The following TTC7B variants were observed in gnomAD, a reference collection of about 807,000 sequenced individuals.
TTC7B encodes tetratricopeptide repeat protein 7B.
In TTC7B, 28 loss-of-function variants were observed where a neutral mutation model predicts 106.8. That is an observed-to-expected ratio of 0.26 (90% CI 0.19 to 0.36). TTC7B has a LOEUF of 0.36. TTC7B is among the 10% of genes least tolerant of loss of function. TTC7B has a pLI of 1.00. For synonymous variants in TTC7B, 405 were observed against 430.6 expected (o/e 0.94, Z 0.74); for missense variants, 862 against 1,076.4 (o/e 0.80, Z 2.79).
chr14:90,703,694 G>A (rs1888091667), intron 5 of TTC7B, among the ~76,000 whole-genome samples: 2 of 152,222 alleles, frequency 1.3e-5, no homozygotes, highest in African/African-American at 2.4e-5. Flanking sequence ...GACAGGCGTC[G>A]CAAGCCTACA....
Position 90,617,922 on chromosome 14 carries a change from C to T in TTC7B, c.1868+7G>A, listed in dbSNP as rs1893149819. ...GCCACGCAAAGCAGGCCCTGCTGGC[C>T]TCTTACCTGGGGTTGGTGAGGTTGT... On this transcript the variant is annotated splice_region_variant and intron_variant, in intron 16 of 19. Transcript: ENST00000328459. The T allele has an allele frequency of 6.2e-7, 1 of 1,611,850 alleles. No homozygotes were observed. The highest frequency in any genetic ancestry group is 1.3e-5 in the African/African-American group (1 of 74,886).
rs763346475 is a variant in TTC7B at position 90,541,378 on chromosome 14, C to T, written c.2522G>A (p.Arg841His). ...SPAVPFTIIP[R>H]VL is the part of the protein sequence containing the mutation. ...CTGGCAGGCGCCTGCTCAGAGCACG[C>T]GGGGGATGATGGTGAAGGGCACGGC... The change falls in exon 20 of 20, where the codon CGC becomes CAC. Residue 841 changes from arginine (R) to histidine (H), a missense_variant. Transcript: ENST00000328459. The T allele has an allele frequency of 5.6e-6, 9 of 1,606,188 alleles. No individual in the cohort carries two copies. Among genetic ancestry groups the T allele is most frequent in the Non-Finnish European group, 6.8e-6 (8 of 1,176,750 alleles).
At chr14:90,774,811 G>A (rs866591131) in intron 3 of TTC7B, among the ~76,000 whole-genome samples, 1 of 152,188 alleles carries the variant, frequency 6.6e-6, no homozygotes, top group Non-Finnish European at 1.5e-5. Context: ...AGGCCGAGGC[G>A]GGTGGATCAT....
chr14:90,800,644 T>C (rs1360656770), intron 1 of TTC7B, among the ~76,000 whole-genome samples: 5 of 151,920 alleles, frequency 3.3e-5, no homozygotes, highest in Non-Finnish European at 7.4e-5. Context: ...ACCCTGTCTC[T>C]ACTAAAAATA....
At chr14:90,763,300 TA>T (rs1290163391) in intron 3 of TTC7B, among the ~76,000 whole-genome samples, 1 of 151,878 alleles carries the variant, frequency 6.6e-6, no homozygotes, top group Non-Finnish European at 1.5e-5. Context: ...AACAATGCAA[TA>T]AAAAAATTAG....
At chr14:90,686,913 A>C (rs997514793) in intron 7 of TTC7B, among the ~76,000 whole-genome samples, 1 of 152,178 alleles carries the variant, frequency 6.6e-6, no homozygotes, top group Non-Finnish European at 1.5e-5. Context: ...GGATCAGAAG[A>C]CTTAATATTT....
chr14:90,763,458 A>T (rs1171716552), intron 3 of TTC7B, among the ~76,000 whole-genome samples: 2 of 152,202 alleles, frequency 1.3e-5, no homozygotes, highest in Admixed American at 1.3e-4. Context: ...TAAAATAAGG[A>T]TGTCCACTCT....
intron 1 of TTC7B, among the ~76,000 whole-genome samples, chr14:90,811,422 C>T (rs2140066185): frequency 6.6e-6 from 1 of 152,252 alleles, no homozygotes. Context: ...CTCAGTTAAA[C>T]CTCAGTCCTG....
At chr14:90,775,017 T>C (rs1018476023) in intron 3 of TTC7B, among the ~76,000 whole-genome samples, 1 of 150,434 alleles carries the variant, frequency 6.6e-6, no homozygotes, top group Non-Finnish European at 1.5e-5. Context: ...CACTCCAGCC[T>C]GGGCAACAAG....
rs573832368 is a variant in TTC7B, at chr14:90,585,373, C to T, written c.2108-7065G>A. On this transcript the variant is annotated intron_variant, in intron 18 of 19. Coordinates refer to ENST00000328459, the MANE Select transcript of TTC7B (RefSeq NM_001010854.2). ...GTTCTGACTCCTGACCCATCCCCTCCGCTGCCTTGACACATCATTCAGAGA... is the reference window on the plus strand; with the variant it reads ...GTTCTGACTCCTGACCCATCCCCTCTGCTGCCTTGACACATCATTCAGAGA... Among the ~76,000 whole-genome samples the T allele has an allele frequency of 6.6e-5, 10 of 152,348 alleles. No individual in the cohort carries two copies. In the South Asian group the frequency reaches 1.9e-3, roughly 28 times the overall value.
intron 1 of TTC7B, among the ~76,000 whole-genome samples, chr14:90,804,717 G>A (rs1288752690): frequency 6.6e-6 from 1 of 152,200 alleles, no homozygotes; most frequent in Non-Finnish European, 1.5e-5. Context: ...CGGGTCCCAG[G>A]GCTTGGCACC....
chr14:90,645,423 G>C (rs1286899802), intron 14 of TTC7B, among the ~76,000 whole-genome samples: 1 of 152,130 alleles, frequency 6.6e-6, no homozygotes, highest in African/African-American at 2.4e-5. Flanking sequence ...GCTTGGGAAA[G>C]GTCACCCAGC....
chr14:90,603,603 A>C (rs1892519242), intron 17 of TTC7B, among the ~76,000 whole-genome samples: 1 of 152,230 alleles, frequency 6.6e-6, no homozygotes, highest in Non-Finnish European at 1.5e-5. Context: ...AGGGAAGGGA[A>C]AAATAATCAA....
chr14:90,633,654 C>A (rs1286436), intron 15 of TTC7B, among the ~76,000 whole-genome samples: 3,746 of 152,212 alleles, frequency 0.025, 136 homozygotes, highest in African/African-American at 0.085. Context: ...TTGGGAGAGA[C>A]AATTATGTAC....
intron 5 of TTC7B, among the ~76,000 whole-genome samples, chr14:90,716,546 G>T (rs1888663947): frequency 6.6e-6 from 1 of 152,110 alleles, no homozygotes; most frequent in African/African-American, 2.4e-5. Context: ...TTACCCAGCA[G>T]GCTCTCAATA....
chr14:90,705,800 C>T lies in TTC7B; in HGVS notation c.699-10222G>A, dbSNP rs117167324. Among the ~76,000 whole-genome samples, 23 of 152,232 alleles carry T rather than the reference C, an allele frequency of 1.5e-4. No individual in the cohort carries two copies. In the East Asian group the frequency reaches 3.7e-3, roughly 24 times the overall value. ...GCCTTGTCCACTTTTTTTCACTTGA[C>T]GATTCTTCAAAATCGCTCCTACTTT... is the stretch of plus-strand genomic sequence containing the variant. On this transcript the variant is annotated intron_variant, in intron 5 of 19. Coordinates refer to ENST00000328459, the MANE Select transcript of TTC7B (RefSeq NM_001010854.2).
chr14:90,664,265 TTTTTTTAATA>T (rs1886322890), intron 9 of TTC7B, among the ~76,000 whole-genome samples: 1 of 152,204 alleles, frequency 6.6e-6, no homozygotes, highest in Admixed American at 6.5e-5. Flanking sequence ...ACATTTTTTA[TTTTTTTAATA>T]TTTATTTATT....
At chr14:90,625,586 C>T (rs569563249) in intron 15 of TTC7B, among the ~76,000 whole-genome samples, 2 of 152,306 alleles carry the variant, frequency 1.3e-5, no homozygotes, top group Non-Finnish European at 2.9e-5. Context: ...GCCCGACCTC[C>T]GCCAGGTGAG....
intron 5 of TTC7B, among the ~76,000 whole-genome samples, chr14:90,710,844 G>A (rs1332238559): frequency 1.3e-5 from 2 of 152,120 alleles, no homozygotes; most frequent in Admixed American, 6.5e-5. Flanking sequence ...ACTTTTATAT[G>A]TGCTGGGAAA....
Sources: gnomAD v4.1 joint callset for allele counts (sites outside exome capture counted in the v4.1 genomes callset) on GRCh38, gnomAD v4.1.1 for gene constraint, MANE v1.5 for transcripts, NCBI Gene and HGNC (gene_info 2026-07-23, HGNC 2026-07-21) for gene names.